OPALIN: variants seen among roughly 807,000 people sequenced by gnomAD.
OPALIN encodes transmembrane protein 10.
A neutral mutation model predicts 17.8 loss-of-function variants in OPALIN; 15 were observed. That is an observed-to-expected ratio of 0.84 (90% CI 0.56 to 1.29). The LOEUF (loss-of-function observed/expected upper bound fraction) is 1.29, where lower values mean the gene tolerates loss of function less well. Ranked by LOEUF, OPALIN falls within the 50% of genes most tolerant of loss-of-function variation. The pLI, the probability that OPALIN is intolerant of heterozygous loss-of-function variation, is 0.00. For synonymous variants in OPALIN, 62 were observed against 63.8 expected (o/e 0.97, Z 0.14); for missense variants, 170 against 176.0 (o/e 0.97, Z 0.19).
At chr10:96,358,318 T>C (rs1013510284) in intron 1 of OPALIN, among the ~76,000 whole-genome samples, 2 of 150,654 alleles carry the variant, frequency 1.3e-5, no homozygotes, top group Non-Finnish European at 1.5e-5. Flanking sequence ...ACATGGCAAA[T>C]GGCAGGGTCT....
chr10:96,354,032 A>G (rs973166684), intron 2 of OPALIN, among the ~76,000 whole-genome samples: 1 of 152,164 alleles, frequency 6.6e-6, no homozygotes, highest in Non-Finnish European at 1.5e-5. Context: ...TTTCAGTAAA[A>G]TGAGCACTGG....
At chr10:96,348,954 A>G (rs1163761553) in intron 4 of OPALIN, among the ~76,000 whole-genome samples, 1 of 152,228 alleles carries the variant, frequency 6.6e-6, no homozygotes, top group African/African-American at 2.4e-5. Context: ...GGTAGTTTCT[A>G]TGACTCCTAT....
chr10:96,343,911 C>T lies in OPALIN; in HGVS notation c.*2030G>A, dbSNP rs1845199310. 6.6e-6 allele frequency: 1 copy of T among 152,184 alleles called. No homozygotes were observed. Among genetic ancestry groups the T allele is most frequent in the Non-Finnish European group, 1.5e-5 (1 of 68,050 alleles). 9.4% of individuals were successfully genotyped at this position (152,184 alleles called of 1,614,324 possible). On this transcript the variant is annotated 3_prime_UTR_variant, in exon 6 of 6. Coordinates refer to ENST00000371172, the MANE Select transcript of OPALIN (RefSeq NM_033207.5). ...GGAGCTGCTGGATGAACTTAAGATG[C>T]CCTGGACCCAGGCCTTCCCACTGGG...
rs1845184844 is a variant in OPALIN at position 96,343,567 on chromosome 10, A to C, written c.*2374T>G. 6.6e-6 allele frequency: 1 copy of C among 152,232 alleles called. No individual in the cohort carries two copies. The highest frequency in any genetic ancestry group is 2.1e-4 in the South Asian group (1 of 4,820). The allele number at this position is 152,232 out of a possible 1,614,324, so 9.4% of individuals were successfully genotyped here. On this transcript the variant is annotated 3_prime_UTR_variant, in exon 6 of 6. Transcript: ENST00000371172. ...ATCGGCCCAAGGGCTGACACCTATA[A>C]GTATCAAAGCCAAGGCCACGGCTGA...
chr10:96,346,161 T>C (rs780307702), intron 5 of OPALIN, 44 bp from the exon 6 acceptor site: 1 of 1,574,248 alleles, frequency 6.4e-7, no homozygotes, highest in South Asian at 1.1e-5. Flanking sequence ...AGCAGAGAAT[T>C]CTTTCATACA....
chr10:96,356,834 T>G, intron 1 of OPALIN: 2 of 970,802 alleles, frequency 2.1e-6, no homozygotes, highest in Non-Finnish European at 2.4e-6. Flanking sequence ...CACCCGCATT[T>G]TATAGAGAAT....
intron 2 of OPALIN, among the ~76,000 whole-genome samples, chr10:96,354,998 G>GCC (rs1845745523): frequency 6.7e-6 from 1 of 148,282 alleles, no homozygotes; most frequent in Non-Finnish European, 1.5e-5. Context: ...TCAGGAGGCT[G>GCC]AGGCAGGAGA....
chr10:96,349,611 A>T (rs1845485491), intron 4 of OPALIN, 96 bp downstream of exon 4: 1 of 1,364,688 alleles, frequency 7.3e-7, no homozygotes, highest in Admixed American at 2.3e-5. Context: ...GGAAATAGAC[A>T]TGGGCCCTGA....
At chr10:96,348,866 A>C (rs1251964395) in intron 4 of OPALIN, among the ~76,000 whole-genome samples, 1 of 152,210 alleles carries the variant, frequency 6.6e-6, no homozygotes, top group Non-Finnish European at 1.5e-5. Flanking sequence ...TTGTCAACAC[A>C]TCTTTACATG....
intron 2 of OPALIN, chr10:96,353,462 G>A (rs757834224): frequency 6.2e-7 from 1 of 1,607,060 alleles, no homozygotes; most frequent in South Asian, 1.1e-5. Context: ...GCATTGTCCA[G>A]AGAGCTGCCC....
chr10:96,346,957 T>C (rs1845358139), intron 5 of OPALIN, among the ~76,000 whole-genome samples: 1 of 152,212 alleles, frequency 6.6e-6, no homozygotes, highest in African/African-American at 2.4e-5. Flanking sequence ...TAATTGTTGT[T>C]GATGTTGAAA....
At chr10:96,358,343 G>A (rs1845895288) in intron 1 of OPALIN, among the ~76,000 whole-genome samples, 1 of 152,048 alleles carries the variant, frequency 6.6e-6, no homozygotes, top group African/African-American at 2.4e-5. Flanking sequence ...CTATTCTAAA[G>A]CTAATATTCA....
At chr10:96,350,662 A>G (rs543039852) in intron 3 of OPALIN, among the ~76,000 whole-genome samples, 25 of 152,270 alleles carry the variant, frequency 1.6e-4, no homozygotes, top group Non-Finnish European at 3.2e-4. Context: ...CTTAAAGTAT[A>G]ATAAAAATAA....
intron 5 of OPALIN, among the ~76,000 whole-genome samples, chr10:96,347,673 A>G (rs1845394618): frequency 6.6e-6 from 1 of 151,694 alleles, no homozygotes; most frequent in African/African-American, 2.4e-5. Context: ...GGGTTTCACC[A>G]TGTTGGCCAG....
intron 5 of OPALIN, among the ~76,000 whole-genome samples, chr10:96,347,469 C>A (rs1488792210): frequency 6.6e-6 from 1 of 151,610 alleles, no homozygotes; most frequent in East Asian, 1.9e-4. Flanking sequence ...TTCAGTGTTA[C>A]ACTTTCTAAT....
chr10:96,357,540 C>CA (rs1845868912), intron 1 of OPALIN, among the ~76,000 whole-genome samples: 1 of 152,102 alleles, frequency 6.6e-6, no homozygotes, highest in Admixed American at 6.5e-5. Context: ...ATAAGTCACT[C>CA]AAACCCTCTG....
chr10:96,355,214 C>T lies in OPALIN; in HGVS notation c.39+41G>A, dbSNP rs773078275. ...GACCTACTGTAAATTCTGCACTGGT[C>T]TTCTCTGCGTTGCCTGGTGAATGGG... is the stretch of plus-strand genomic sequence containing the variant. On this transcript the variant is annotated intron_variant, in intron 2 of 5. Transcript: ENST00000371172. 11 of 1,550,082 alleles carry T rather than the reference C, an allele frequency of 7.1e-6. No homozygotes were observed. In the East Asian group the frequency reaches 9.6e-5, roughly 14 times the overall value.
intron 2 of OPALIN, among the ~76,000 whole-genome samples, chr10:96,352,292 T>C (rs973902990): frequency 3.9e-5 from 6 of 152,080 alleles, no homozygotes; most frequent in Admixed American, 6.5e-5. Context: ...TCATCAAGTA[T>C]ACTGGAGTCC....
At chr10:96,354,830 T>G (rs1845738024) in intron 2 of OPALIN, among the ~76,000 whole-genome samples, 1 of 150,842 alleles carries the variant, frequency 6.6e-6, no homozygotes, top group Admixed American at 6.6e-5. Context: ...GCACGGTGGC[T>G]CACACCTATA....
Sources: gnomAD v4.1 joint callset for allele counts (sites outside exome capture counted in the v4.1 genomes callset) on GRCh38, gnomAD v4.1.1 for gene constraint, MANE v1.5 for transcripts, NCBI Gene and HGNC (gene_info 2026-07-23, HGNC 2026-07-21) for gene names.